BCAR3: variants seen among roughly 807,000 people sequenced by gnomAD.
BCAR3 encodes the protein breast cancer anti-estrogen resistance protein 3.
A neutral mutation model predicts 80.1 loss-of-function variants in BCAR3; 37 were observed. The observed-to-expected ratio is 0.46, with a 90% CI of 0.36 to 0.61. The LOEUF (loss-of-function observed/expected upper bound fraction) is 0.61, where lower values mean the gene tolerates loss of function less well. BCAR3 is among the 20% of genes least tolerant of loss of function. BCAR3 has a pLI of 0.00. For missense variants in BCAR3, 978 were observed against 1,068.2 expected (o/e 0.92, Z 1.18); for synonymous variants, 389 against 418.9 (o/e 0.93, Z 0.87).
rs369088756 is a variant in BCAR3 at position 93,714,914 on chromosome 1, A to G, written c.-62-8772T>C. On this transcript the variant is annotated intron_variant, in intron 2 of 13. Transcript: ENST00000370244. ...CCTTTACAGACCAGAAAGATTTCTCAGGAAAAGCATTTTTTTTGAAAATAA... is the reference window on the plus strand; with the variant it reads ...CCTTTACAGACCAGAAAGATTTCTCGGGAAAAGCATTTTTTTTGAAAATAA... 1.6e-3 allele frequency among the ~76,000 whole-genome samples: 245 copies of G among 152,330 alleles called. 1 individual carries two copies. Among genetic ancestry groups the G allele is most frequent in the African/African-American group, 5.7e-3 (235 of 41,584 alleles).
intron 5 of BCAR3, chr1:93,585,100 G>C: frequency 2.0e-6 from 2 of 985,474 alleles, no homozygotes; most frequent in Non-Finnish European, 2.4e-6. Context: ...CTCCCGAGAA[G>C]TGATATTTAA....
chr1:93,674,747 T>G lies in BCAR3; in HGVS notation c.184A>C (p.Arg62=). ...PRKKKGPPPI[R]SCDDFSHMGT... ...ATGTGACTGAAGTCATCACAGGACC[T>G]TATGGGAGGAGGACCTTTTTTCTTC... Residue 62 remains arginine (R), a synonymous_variant, in exon 2 of 12, where the codon AGG becomes CGG. Coordinates refer to ENST00000260502, the MANE Select transcript of BCAR3 (RefSeq NM_003567.4). 6.2e-7 allele frequency: 1 copy of G among 1,613,432 alleles called. No individual in the cohort carries two copies. Among genetic ancestry groups the G allele is most frequent in the Non-Finnish European group, 8.5e-7 (1 of 1,179,860 alleles).
intron 2 of BCAR3, among the ~76,000 whole-genome samples, chr1:93,736,729 A>G (rs1287880469): frequency 6.6e-6 from 1 of 152,234 alleles, no homozygotes; most frequent in Non-Finnish European, 1.5e-5. Context: ...TGGATTTTGA[A>G]GGATAAAAGA....
At chr1:93,626,479 G>C (rs1213286363) in intron 3 of BCAR3, among the ~76,000 whole-genome samples, 2 of 152,138 alleles carry the variant, frequency 1.3e-5, no homozygotes, top group Non-Finnish European at 2.9e-5. Context: ...GGGGTCTTCT[G>C]GGGGTCTGAG....
At chr1:93,757,423 C>T (rs944060976) in intron 2 of BCAR3, among the ~76,000 whole-genome samples, 13 of 152,140 alleles carry the variant, frequency 8.5e-5, no homozygotes, top group Non-Finnish European at 1.6e-4. Flanking sequence ...GCACCAATTC[C>T]GAGGCCAACT....
At chr1:93,632,398 C>T (rs918224815) in intron 3 of BCAR3, among the ~76,000 whole-genome samples, 2 of 152,160 alleles carry the variant, frequency 1.3e-5, no homozygotes, top group African/African-American at 4.8e-5. Flanking sequence ...GATATATATT[C>T]AGTAGAAACT....
At chr1:93,708,631 T>C (rs1649907350) in intron 2 of BCAR3, among the ~76,000 whole-genome samples, 1 of 152,214 alleles carries the variant, frequency 6.6e-6, no homozygotes, top group Non-Finnish European at 1.5e-5. Context: ...AACTTTGGGC[T>C]CACAGAAACC....
chr1:93,630,938 C>T (rs1012178403), intron 3 of BCAR3, among the ~76,000 whole-genome samples: 26 of 152,348 alleles, frequency 1.7e-4, no homozygotes, highest in African/African-American at 5.5e-4. Flanking sequence ...AACCAAGAAA[C>T]GGCTAAAACC....
intron 2 of BCAR3, among the ~76,000 whole-genome samples, chr1:93,717,333 T>C (rs1270023714): frequency 6.6e-6 from 1 of 152,230 alleles, no homozygotes; most frequent in Non-Finnish European, 1.5e-5. Context: ...ATTAAATAAA[T>C]TGTTGTTGCC....
At chr1:93,637,227 T>A (rs1009307056) in intron 3 of BCAR3, among the ~76,000 whole-genome samples, 2 of 151,926 alleles carry the variant, frequency 1.3e-5, no homozygotes, top group Admixed American at 6.6e-5. Flanking sequence ...TGGAGTGCAA[T>A]GGCCCAATCT....
chr1:93,576,935 G>A (rs1457022210), intron 7 of BCAR3, among the ~76,000 whole-genome samples: 1 of 152,182 alleles, frequency 6.6e-6, no homozygotes. Context: ...TGGGGGGACT[G>A]CTTGAGGACA....
intron 2 of BCAR3, among the ~76,000 whole-genome samples, chr1:93,767,366 A>T (rs1056828033): frequency 2.0e-5 from 3 of 152,138 alleles, no homozygotes; most frequent in African/African-American, 7.2e-5. Context: ...CTACAAAAAA[A>T]TACAAAAATT....
intron 2 of BCAR3, among the ~76,000 whole-genome samples, chr1:93,711,843 G>C (rs1253202030): frequency 5.9e-5 from 9 of 152,102 alleles, no homozygotes; most frequent in African/African-American, 2.2e-4. Context: ...ATTCATGTTT[G>C]TGACCTGCAA....
At chr1:93,762,956 G>A (rs1652006290) in intron 2 of BCAR3, among the ~76,000 whole-genome samples, 1 of 152,164 alleles carries the variant, frequency 6.6e-6, no homozygotes, top group South Asian at 2.1e-4. Context: ...TGTTCTTCCT[G>A]CTTTCTCTCT....
chr1:93,649,265 G>A (rs577586748), intron 2 of BCAR3, among the ~76,000 whole-genome samples: 126 of 152,328 alleles, frequency 8.3e-4, no homozygotes, highest in African/African-American at 3.0e-3. Flanking sequence ...CATCTTGAGT[G>A]CTGGGTCTGC....
At chr1:93,626,064 T>C (rs1675447571) in intron 3 of BCAR3, among the ~76,000 whole-genome samples, 1 of 152,172 alleles carries the variant, frequency 6.6e-6, no homozygotes. Context: ...CCTAGCACTT[T>C]ATAGTATATG....
intron 2 of BCAR3, among the ~76,000 whole-genome samples, chr1:93,822,343 AT>A (rs34589621): frequency 4.7e-4 from 67 of 142,788 alleles, no homozygotes; most frequent in Middle Eastern, 3.6e-3. Flanking sequence ...CGCATGGCTA[AT>A]TTTTTTTTTT....
chr1:93,811,300 T>C (rs1653832215), intron 2 of BCAR3, among the ~76,000 whole-genome samples: 1 of 151,852 alleles, frequency 6.6e-6, no homozygotes, highest in Non-Finnish European at 1.5e-5. Flanking sequence ...TAAACCTAAG[T>C]GGAGAGGGGT....
rs558800760 is a variant in BCAR3 at position 93,659,616 on chromosome 1, G to A, written c.317+14998C>T. ...GTATAATAATGTTCTATTAGATAAG[G>A]TTATTACATGGGACAGTCTAGCATT... On this transcript the variant is annotated intron_variant, in intron 2 of 11. Coordinates refer to ENST00000260502, the MANE Select transcript of BCAR3 (RefSeq NM_003567.4). 7.2e-5 allele frequency among the ~76,000 whole-genome samples: 11 copies of A among 152,020 alleles called. No individual in the cohort carries two copies. In the South Asian group the frequency reaches 2.3e-3, roughly 32 times the overall value.
Sources: gnomAD v4.1 joint callset for allele counts (sites outside exome capture counted in the v4.1 genomes callset) on GRCh38, gnomAD v4.1.1 for gene constraint, MANE v1.5 for transcripts, NCBI Gene and HGNC (gene_info 2026-07-23, HGNC 2026-07-21) for gene names.